Variants in TSC1 observed in about 807,000 individuals in gnomAD.
TSC1 encodes TSC complex subunit 1.
TSC1 carries 20 observed loss-of-function variants against 124.3 expected under a neutral mutation model. The observed-to-expected ratio is 0.16, with a 90% CI of 0.11 to 0.23. TSC1 has a LOEUF of 0.23. Ranked by LOEUF, TSC1 falls within the 10% of genes least tolerant of loss-of-function variation. The probability of loss-of-function intolerance (pLI) is 1.00; values close to 1 mark genes in which losing one functional copy is unlikely to be tolerated. For synonymous variants in TSC1, 493 were observed against 539.1 expected, an observed-to-expected ratio of 0.91 and a Z score of 1.19; for missense variants, 1,124 against 1,448.5, an observed-to-expected ratio of 0.78 and a Z score of 3.64.
At chr9:132,934,551 G>A (rs1243148209) in intron 2 of TSC1, 2 of 152,496 alleles carry the variant, frequency 1.3e-5, no homozygotes, top group Non-Finnish European at 2.9e-5. Context: ...CTAAGGGATG[G>A]AATCCGGACA....
chr9:132,899,474 C>T (rs1845257996), intron 20 of TSC1: 2 of 152,274 alleles, frequency 1.3e-5, no homozygotes, highest in Non-Finnish European at 2.9e-5. Context: ...AACCTCTTGT[C>T]AAGTGAAACA....
chr9:132,897,539 A>G lies in TSC1; in HGVS notation c.2697T>C (p.Thr899=). Residue 899 remains threonine (T), a synonymous_variant, in exon 21 of 23, where the codon ACT becomes ACC. Coordinates refer to ENST00000298552, the MANE Select transcript of TSC1 (RefSeq NM_000368.5). ...GTTTTTGGGAGGTATCAAGCCTCTG[A>G]GTCTGCTGGAGAACATGGCTTCTGT... ...EKNRSHVLQQ[T]QRLDTSQKRI... is the part of the protein sequence containing the mutation. 2 of 1,559,868 alleles carry G rather than the reference A, an allele frequency of 1.3e-6. No homozygotes were observed. Among genetic ancestry groups the G allele is most frequent in the Non-Finnish European group, 1.7e-6 (2 of 1,147,452 alleles).
At position 132,921,801 on chromosome 9, in the gene TSC1, C is replaced by T. The variant is rs1304956665; in HGVS notation, c.663+18G>A. On this transcript the variant is annotated intron_variant, in intron 7 of 22. Coordinates refer to ENST00000298552, the MANE Select transcript of TSC1 (RefSeq NM_000368.5). The surrounding 1 kb of genome is among the most constrained non-coding windows in gnomAD (Gnocchi z 4.3). ...AACAGTATACTAAGTAGCAAACAAA[C>T]AAGCAGTTTCAATTTACCTTGACCA... 20 of 1,613,982 alleles carry T rather than the reference C, an allele frequency of 1.2e-5. No individual in the cohort carries two copies. Among genetic ancestry groups the T allele is most frequent in the Non-Finnish European group, 1.7e-5 (20 of 1,179,948 alleles).
chr9:132,929,887 T>A (rs549076536), intron 2 of TSC1, among the ~76,000 whole-genome samples: 8 of 152,260 alleles, frequency 5.3e-5, no homozygotes, highest in Middle Eastern at 3.4e-3. Flanking sequence ...GGAGAAAAAC[T>A]GATATTGGAA....
rs1846711357 is a variant in TSC1 at position 132,923,943 on chromosome 9, AACTT to A, written c.364-455_364-452del. Among the ~76,000 whole-genome samples the A allele has an allele frequency of 6.6e-6, 1 of 152,152 alleles. No individual in the cohort carries two copies. The highest frequency in any genetic ancestry group is 2.4e-5 in the African/African-American group (1 of 41,452). ...AAAAAAAAACTGCACATTGACAAGT[AACTT>A]ACTATTTTTTAAAGAACTACAACAG... On this transcript the variant is annotated intron_variant, in intron 5 of 22. Coordinates refer to ENST00000298552, the MANE Select transcript of TSC1 (RefSeq NM_000368.5). This position sits in a 1 kb window ranked among gnomAD's most constrained non-coding sequence, Gnocchi z 4.2.
At chr9:132,919,970 A>G (rs757864119) in intron 8 of TSC1, among the ~76,000 whole-genome samples, 1 of 152,210 alleles carries the variant, frequency 6.6e-6, no homozygotes, top group Non-Finnish European at 1.5e-5. Flanking sequence ...TTTATCCCAC[A>G]GAAGGATTCT....
rs1283309921 is a variant in TSC1 at position 132,892,555 on chromosome 9, C to CT, written c.*3679_*3680insA. The CT allele has an allele frequency of 4.3e-6, 1 of 233,312 alleles. No homozygotes were observed. The highest frequency in any genetic ancestry group is 2.2e-5 in the African/African-American group (1 of 45,342). The allele number at this position is 233,312 out of a possible 1,614,324, so 14.5% of individuals were successfully genotyped here. A position where few individuals can be genotyped will look rare whatever the true frequency, so the allele number is the denominator to read the frequency against. The stretch of plus-strand genomic sequence containing the variant: ...GAGTATCCGCAGGAGGTGGGCGGCA[C>CT]CCCATCTCACCAAGGTCCTGGCCGG... On this transcript the variant is annotated 3_prime_UTR_variant, in exon 23 of 23. Coordinates refer to ENST00000298552, the MANE Select transcript of TSC1 (RefSeq NM_000368.5).
intron 18 of TSC1, chr9:132,901,999 C>T (rs956824534): frequency 5.0e-5 from 17 of 340,510 alleles, no homozygotes; most frequent in African/African-American, 3.6e-4. Context: ...TCTGAATTTT[C>T]GAGGGAGACG....
At chr9:132,905,067 C>T (rs1406340419) in intron 15 of TSC1, among the ~76,000 whole-genome samples, 1 of 152,108 alleles carries the variant, frequency 6.6e-6, no homozygotes, top group Admixed American at 6.5e-5. Flanking sequence ...AGCTAGAGTC[C>T]TTTCTATGAA....
At position 132,921,851 on chromosome 9, in the gene TSC1, C is replaced by G. The variant is rs1405144688; in HGVS notation, c.631G>C (p.Glu211Gln). 6.2e-7 allele frequency: 1 copy of G among 1,614,172 alleles called. No homozygotes were observed. Among genetic ancestry groups the G allele is most frequent in the Non-Finnish European group, 8.5e-7 (1 of 1,180,016 alleles). ...ACTTCTTCAAAAGTCTCCAGGTTTTCTTTCATACTGTAATGAGAACGCAAA... is the reference window on the plus strand; with the variant it reads ...ACTTCTTCAAAAGTCTCCAGGTTTTGTTTCATACTGTAATGAGAACGCAAA... ...SFLRSHYSMK[E>Q]NLETFEEVVK... Residue 211 changes from glutamate to glutamine, a missense_variant, in exon 7 of 23, where the codon GAA becomes CAA. Physicochemically the swap from Glu to Gln is conservative, Grantham distance 29. Transcript: ENST00000298552. The surrounding 1 kb of genome is among the most constrained non-coding windows in gnomAD (Gnocchi z 4.3).
At position 132,895,308 on chromosome 9, in the gene TSC1, G is replaced by A. The variant is rs999829677; in HGVS notation, c.*927C>T. On this transcript the variant is annotated 3_prime_UTR_variant, in exon 23 of 23. Coordinates refer to ENST00000298552, the MANE Select transcript of TSC1 (RefSeq NM_000368.5). Reference sequence around the variant, plus strand: ...AACAAGAGGCGTATGCACACAAAGGGAGGCCAGTAGACAGAAGGGTTTAAC... The same window carrying A: ...AACAAGAGGCGTATGCACACAAAGGAAGGCCAGTAGACAGAAGGGTTTAAC... The A allele has an allele frequency of 4.3e-6, 1 of 233,334 alleles. No individual in the cohort carries two copies. The highest frequency in any genetic ancestry group is 8.5e-6 in the Non-Finnish European group (1 of 117,998). The allele number at this position is 233,334 out of a possible 1,614,324, so 14.5% of individuals were successfully genotyped here.
rs2131768992 is a variant in TSC1 at position 132,903,755 on chromosome 9, A to T, written c.2104T>A (p.Leu702Ile). Residue 702 changes from leucine to isoleucine, a missense_variant, in exon 17 of 23, where the codon TTA becomes ATA. Around this residue, in one of 5 missense-constraint regions of TSC1, gnomAD observed 321 missense variants for 397.4 expected, o/e 0.81. Transcript: ENST00000298552. This position sits in a 1 kb window ranked among gnomAD's most constrained non-coding sequence, Gnocchi z 5.9. Reference sequence around the variant, plus strand: ...TGCCTCTTAAAACGCTCATAGAGTAACTGGTTGTGCAGTAAAAGCAACTGG... The same window carrying T: ...TGCCTCTTAAAACGCTCATAGAGTATCTGGTTGTGCAGTAAAAGCAACTGG... ...RDQLLLLHNQ[L>I]LYERFKRQQH... is the part of the protein sequence containing the mutation. 1 of 1,613,472 alleles carries T rather than the reference A, an allele frequency of 6.2e-7. No homozygotes were observed. Among genetic ancestry groups the T allele is most frequent in the Non-Finnish European group, 8.5e-7 (1 of 1,179,956 alleles).
chr9:132,900,379 G>A, intron 20 of TSC1: 2 of 380,380 alleles, frequency 5.3e-6, no homozygotes, highest in East Asian at 6.2e-5. Flanking sequence ...GGTCCTGAGA[G>A]GTATGTTAAA....
intron 4 of TSC1, chr9:132,926,843 T>A (rs900601562): frequency 3.2e-6 from 1 of 309,630 alleles, no homozygotes; most frequent in African/African-American, 2.2e-5. Context: ...CCCAGCTAAT[T>A]TTTTGTATTT....
chr9:132,944,980 G>T (rs1483249227), upstream of TSC1: 1 of 190,836 alleles, frequency 5.2e-6, no homozygotes, highest in Non-Finnish European at 1.1e-5. Context: ...GGACGCGGCG[G>T]AGAGGCGTAA....
upstream of TSC1, chr9:132,944,640 G>A (rs1016991070): frequency 2.8e-5 from 11 of 398,678 alleles, no homozygotes; most frequent in East Asian, 1.4e-4. Flanking sequence ...TCGTGAAAGG[G>A]CCAAGGCCGA....
chr9:132,935,601 C>T (rs1847418481), intron 1 of TSC1, among the ~76,000 whole-genome samples: 3 of 152,222 alleles, frequency 2.0e-5, no homozygotes, highest in Admixed American at 1.3e-4. Context: ...CTGGAGGAGC[C>T]ATGTGAGGCA....
chr9:132,899,447 G>A (rs994840198), intron 20 of TSC1: 1 of 152,244 alleles, frequency 6.6e-6, no homozygotes, highest in Non-Finnish European at 1.5e-5. Flanking sequence ...GACCAACCTG[G>A]AACTCACCTG....
chr9:132,910,199 G>C (rs1253321440), intron 12 of TSC1: 2 of 467,782 alleles, frequency 4.3e-6, no homozygotes, highest in East Asian at 7.0e-5. Context: ...TACTAGCGAG[G>C]CTGATGCAGG....
Sources: allele counts gnomAD v4.1 joint callset (sites outside exome capture counted in the v4.1 genomes callset), GRCh38; gene constraint gnomAD v4.1.1; regional missense constraint gnomAD v4.1.1; non-coding constraint Gnocchi (gnomAD v3.1); transcripts MANE v1.5; gene names NCBI Gene and HGNC (gene_info 2026-07-23, HGNC 2026-07-21).